Variants in CPEB4 observed in about 807,000 individuals in gnomAD.
CPEB4 encodes the protein cytoplasmic polyadenylation element-binding protein 4.
A neutral mutation model predicts 72.5 loss-of-function variants in CPEB4; 12 were observed. The ratio of observed to expected loss-of-function variants is 0.17; its 90% CI spans 0.11 to 0.27. CPEB4 has a LOEUF of 0.27. CPEB4 is among the 10% of genes least tolerant of loss of function. The probability of loss-of-function intolerance (pLI) is 1.00; values close to 1 mark genes in which losing one functional copy is unlikely to be tolerated. For synonymous variants in CPEB4, 302 were observed against 326.3 expected, an observed-to-expected ratio of 0.93 and a Z score of 0.80; for missense variants, 614 against 908.5, an observed-to-expected ratio of 0.68 and a Z score of 4.17.
At position 173,889,629 on chromosome 5, in the gene CPEB4, T is replaced by TCAAG. The variant is rs1279145328; in HGVS notation, c.-93_-90dup. On this transcript the variant is annotated 5_prime_UTR_variant, in exon 1 of 10. Transcript: ENST00000265085. ...TTGAGCTAGCTATAAATAAGACATT[T>TCAAG]CAAGCAAGCAAGCAAACAACTTAAA... The TCAAG allele has an allele frequency of 1.0e-6, 1 of 979,396 alleles. No individual in the cohort carries two copies. The allele number at this position is 979,396 out of a possible 1,614,324, so 60.7% of individuals were successfully genotyped here.
At chr5:173,942,888 T>G in intron 3 of CPEB4, 138 bp from the exon 4 acceptor site, 1 of 805,164 alleles carries the variant, frequency 1.2e-6, no homozygotes, top group Non-Finnish European at 1.9e-6. Context: ...TTTTAGACAT[T>G]TACCAGGAAA....
intron 4 of CPEB4, among the ~76,000 whole-genome samples, chr5:173,944,132 A>C (rs1757937479): frequency 6.6e-6 from 1 of 152,222 alleles, no homozygotes; most frequent in Admixed American, 6.5e-5. Context: ...ACTAGTTTTT[A>C]GAAATAGATA....
At position 173,945,127 on chromosome 5, in the gene CPEB4, A is replaced by G. The variant is rs1160517316; in HGVS notation, c.1443A>G (p.Pro481=). The G allele has an allele frequency of 6.2e-7, 1 of 1,613,710 alleles. No homozygotes were observed. The highest frequency in any genetic ancestry group is 8.5e-7 in the Non-Finnish European group (1 of 1,179,772). ...SRKVFVGGLP[P]DIDEDEITAS... is the part of the protein sequence containing the mutation. ...AGGTGTTTGTAGGCGGATTGCCTCC[A>G]GACATTGATGAAGGTATGTTTAGAA... Residue 481 remains proline, a synonymous_variant, in exon 5 of 10, where the codon CCA becomes CCG. Coordinates refer to ENST00000265085, the MANE Select transcript of CPEB4 (RefSeq NM_030627.4).
rs1210053890 is a variant in CPEB4 at position 173,951,726 on chromosome 5, A to T, written c.1666-98A>T. Reference sequence around the variant, plus strand: ...AGCTTTATTGACTTGTAATCATAGGATTATTGCTTTTAAAAATACTTTGTA... The same window carrying T: ...AGCTTTATTGACTTGTAATCATAGGTTTATTGCTTTTAAAAATACTTTGTA... On this transcript the variant is annotated intron_variant, in intron 7 of 9. Transcript: ENST00000265085. 3 of 717,052 alleles carry T rather than the reference A, an allele frequency of 4.2e-6. No individual in the cohort carries two copies. The African/African-American group carries it at 5.2e-5, about 12-fold the overall frequency. The allele number at this position is 717,052 out of a possible 1,614,324, so 44.4% of individuals were successfully genotyped here.
At position 173,950,194 on chromosome 5, in the gene CPEB4, G is replaced by T. The variant is rs1416038422; in HGVS notation, c.1665+116G>T. ...GGGTACTTAATTGACATGTTTGTAA[G>T]CAGACTAAGTAGTCTTGTTGTGAAG... On this transcript the variant is annotated intron_variant, in intron 7 of 9. Transcript: ENST00000265085. This position sits in a 1 kb window ranked among gnomAD's most constrained non-coding sequence, Gnocchi z 5.0. 13 of 607,752 alleles carry T rather than the reference G, an allele frequency of 2.1e-5. No homozygotes were observed. In the Admixed American group the frequency reaches 3.7e-4, roughly 18 times the overall value. 37.6% of individuals were successfully genotyped at this position (607,752 alleles called of 1,614,324 possible).
chr5:173,908,944 C>T (rs902313696), intron 1 of CPEB4, among the ~76,000 whole-genome samples: 1 of 152,068 alleles, frequency 6.6e-6, no homozygotes, highest in Non-Finnish European at 1.5e-5. Flanking sequence ...GTACAGTATC[C>T]TTAAGGTGGG....
intron 1 of CPEB4, among the ~76,000 whole-genome samples, chr5:173,899,274 C>T (rs914233673): frequency 6.6e-6 from 1 of 152,202 alleles, no homozygotes; most frequent in African/African-American, 2.4e-5. Flanking sequence ...AATCCTCTCT[C>T]TCCCCATTTG....
At chr5:173,939,868 T>C (rs561304195) in intron 3 of CPEB4, among the ~76,000 whole-genome samples, 80 of 151,338 alleles carry the variant, frequency 5.3e-4, no homozygotes, top group Non-Finnish European at 5.3e-4. Flanking sequence ...TCCTAGCACT[T>C]TGGGAGGCTG....
chr5:173,946,633 C>T (rs928104989), intron 5 of CPEB4, among the ~76,000 whole-genome samples: 1 of 152,140 alleles, frequency 6.6e-6, no homozygotes, highest in Non-Finnish European at 1.5e-5. Flanking sequence ...GGGCATAGCT[C>T]TCTGACAAGA....
chr5:173,889,319 T>A lies in CPEB4; in HGVS notation c.-415T>A, dbSNP rs897048228. The stretch of plus-strand genomic sequence containing the variant: ...AGGAAAACCATATGTGATTGTTAAA[T>A]TATATATATCTATATTTTTACTCCG... On this transcript the variant is annotated 5_prime_UTR_variant, in exon 1 of 10. Coordinates refer to ENST00000265085, the MANE Select transcript of CPEB4 (RefSeq NM_030627.4). 9 of 154,036 alleles carry A rather than the reference T, an allele frequency of 5.8e-5. No individual in the cohort carries two copies. The highest frequency in any genetic ancestry group is 1.2e-4 in the Non-Finnish European group (8 of 69,364). The allele number at this position is 154,036 out of a possible 1,614,324, so 9.5% of individuals were successfully genotyped here.
chr5:173,923,054 T>C (rs978042947), intron 2 of CPEB4, among the ~76,000 whole-genome samples: 7 of 152,222 alleles, frequency 4.6e-5, no homozygotes, highest in Admixed American at 1.3e-4. Context: ...TAGTGGGCCT[T>C]CTGAGAAATA....
chr5:173,900,119 G>A lies in CPEB4; in HGVS notation c.1125+9261G>A, dbSNP rs751408185. Among the ~76,000 whole-genome samples, 1 of 152,128 alleles carries A rather than the reference G, an allele frequency of 6.6e-6. No homozygotes were observed. Among genetic ancestry groups the A allele is most frequent in the Non-Finnish European group, 1.5e-5 (1 of 68,012 alleles). ...GCTTCAGTTTAGGAATAAAGGTTGTGCATTGGCCAGGTGTGGTGGCTCACG... is the reference window on the plus strand; with the variant it reads ...GCTTCAGTTTAGGAATAAAGGTTGTACATTGGCCAGGTGTGGTGGCTCACG... On this transcript the variant is annotated intron_variant, in intron 1 of 9. Transcript: ENST00000265085. The surrounding 1 kb of genome is among the most constrained non-coding windows in gnomAD (Gnocchi z 4.4).
intron 2 of CPEB4, among the ~76,000 whole-genome samples, chr5:173,916,067 TATA>T (rs1193922941): frequency 1.9e-4 from 29 of 152,182 alleles, no homozygotes; most frequent in African/African-American, 6.8e-4. Context: ...ATGAAAACAA[TATA>T]ATATTCAATT....
chr5:173,948,018 A>C (rs1273705704), intron 5 of CPEB4, among the ~76,000 whole-genome samples: 1 of 152,136 alleles, frequency 6.6e-6, no homozygotes, highest in Non-Finnish European at 1.5e-5. Context: ...AAATTGTCCC[A>C]AATCAGGGAC....
chr5:173,947,481 T>G (rs1758065158), intron 5 of CPEB4, among the ~76,000 whole-genome samples: 1 of 151,888 alleles, frequency 6.6e-6, no homozygotes. Flanking sequence ...GGCACAAAGG[T>G]AGAAGGTAGA....
At chr5:173,954,343 T>C (rs1257352661) in intron 9 of CPEB4, among the ~76,000 whole-genome samples, 1 of 152,126 alleles carries the variant, frequency 6.6e-6, no homozygotes, top group Non-Finnish European at 1.5e-5. Context: ...ATTCTAAGCA[T>C]GGGGGAGGGA....
At chr5:173,927,786 A>C (rs1757300230) in intron 2 of CPEB4, among the ~76,000 whole-genome samples, 2 of 152,188 alleles carry the variant, frequency 1.3e-5, no homozygotes, top group Non-Finnish European at 1.5e-5. Context: ...AAAAAAAAAA[A>C]AGATAGATTT....
intron 1 of CPEB4, among the ~76,000 whole-genome samples, chr5:173,901,404 TTGAAGAG>T (rs1477380073): frequency 2.0e-5 from 3 of 152,208 alleles, no homozygotes; most frequent in African/African-American, 7.2e-5. Context: ...AAAGTACTGA[TTGAAGAG>T]GGAACTTGCA....
intron 3 of CPEB4, among the ~76,000 whole-genome samples, chr5:173,940,496 T>C (rs539227554): frequency 3.3e-4 from 51 of 152,318 alleles, no homozygotes; most frequent in Non-Finnish European, 6.5e-4. Flanking sequence ...CCAATATAAT[T>C]TGAAATAAGT....
Sources: gnomAD v4.1 joint callset for allele counts (sites outside exome capture counted in the v4.1 genomes callset) on GRCh38, gnomAD v4.1.1 for gene constraint, Gnocchi (gnomAD v3.1) non-coding constraint, MANE v1.5 for transcripts, NCBI Gene and HGNC (gene_info 2026-07-23, HGNC 2026-07-21) for gene names.